AIG1: variants seen among roughly 807,000 people sequenced by gnomAD.
AIG1 encodes the protein androgen induced 1.
AIG1 carries 23 observed loss-of-function variants against 31.4 expected under a neutral mutation model. The observed-to-expected ratio is 0.73, with a 90% CI of 0.53 to 1.04. AIG1 has a LOEUF of 1.04. Ranked by LOEUF, AIG1 falls within the 50% of genes least tolerant of loss-of-function variation. AIG1 has a pLI of 0.00. For synonymous variants in AIG1, 100 were observed against 110.5 expected, an observed-to-expected ratio of 0.90 and a Z score of 0.60; for missense variants, 274 against 295.0, an observed-to-expected ratio of 0.93 and a Z score of 0.52.
chr6:143,060,781 GCCCCGCCCCCGCCCCCGC>G (rs565865334), upstream of AIG1: 2 of 107,158 alleles, frequency 1.9e-5, no homozygotes, highest in African/African-American at 3.8e-5. Flanking sequence ...GGGGGCGCGC[GCCCCGCCCCCGCCCCCGC>G]CCCCGCCCCG....
chr6:143,175,811 C>T (rs1188225099), intron 3 of AIG1, among the ~76,000 whole-genome samples: 2 of 152,128 alleles, frequency 1.3e-5, no homozygotes, highest in South Asian at 2.1e-4. Context: ...TCTGGCAATT[C>T]GGGGATTTCA....
chr6:143,302,486 G>A (rs1438627646), intron 4 of AIG1, among the ~76,000 whole-genome samples: 1 of 150,366 alleles, frequency 6.7e-6, no homozygotes, highest in African/African-American at 2.5e-5. Flanking sequence ...TTGGTTTTTT[G>A]TTCTTGCGAT....
At chr6:143,126,753 T>C (rs1782717011) in intron 1 of AIG1, among the ~76,000 whole-genome samples, 1 of 152,130 alleles carries the variant, frequency 6.6e-6, no homozygotes, top group South Asian at 2.1e-4. Flanking sequence ...TACAGGAAGG[T>C]CTCAAGCTCA....
At chr6:143,250,542 G>A (rs1191554407) in intron 3 of AIG1, among the ~76,000 whole-genome samples, 2 of 152,210 alleles carry the variant, frequency 1.3e-5, no homozygotes, top group African/African-American at 4.8e-5. Flanking sequence ...GATCTTGAGA[G>A]GAGTTTATTC....
At chr6:143,255,112 A>G (rs1384880482) in intron 3 of AIG1, among the ~76,000 whole-genome samples, 2 of 152,208 alleles carry the variant, frequency 1.3e-5, no homozygotes, top group Admixed American at 1.3e-4. Flanking sequence ...ATCATCCAGC[A>G]TGACTGCATA....
Position 143,334,001 on chromosome 6 carries a change from TA to T in AIG1, c.679+560del. 1 of 1,489,040 alleles carries T rather than the reference TA, an allele frequency of 6.7e-7. No homozygotes were observed. The highest frequency in any genetic ancestry group is 9.1e-7 in the Non-Finnish European group (1 of 1,094,146). The allele number at this position is 1,489,040 out of a possible 1,614,324, so 92.2% of individuals were successfully genotyped here. A position where few individuals can be genotyped will look rare whatever the true frequency, so the allele number is the denominator to read the frequency against. On this transcript the variant is annotated intron_variant, in intron 5 of 5. Transcript: ENST00000357847. The surrounding 1 kb of genome is among the most constrained non-coding windows in gnomAD (Gnocchi z 5.1). Reference sequence around the variant, plus strand: ...GAAAGTGGCAAAGAGCTACAAGCAGTAAAAGATAATATTTCGTGGCTGGAAA... The same window carrying T: ...GAAAGTGGCAAAGAGCTACAAGCAGTAAAGATAATATTTCGTGGCTGGAAA...
chr6:143,073,527 T>G (rs1050531285), intron 1 of AIG1, among the ~76,000 whole-genome samples: 2 of 152,226 alleles, frequency 1.3e-5, no homozygotes, highest in African/African-American at 4.8e-5. Context: ...TATCCACACC[T>G]TTGCCAACAT....
At chr6:143,308,907 A>T (rs1168098061) in intron 4 of AIG1, among the ~76,000 whole-genome samples, 2 of 152,132 alleles carry the variant, frequency 1.3e-5, no homozygotes, top group Admixed American at 6.5e-5. Flanking sequence ...TGTAACATCC[A>T]TAGGGGTGTG....
At chr6:143,308,861 C>T (rs1202901509) in intron 4 of AIG1, among the ~76,000 whole-genome samples, 1 of 152,118 alleles carries the variant, frequency 6.6e-6, no homozygotes, top group Admixed American at 6.5e-5. Flanking sequence ...TATGGCTTTC[C>T]CTTGTAGTTT....
chr6:143,101,730 A>C (rs1054407479), intron 1 of AIG1, among the ~76,000 whole-genome samples: 1 of 152,184 alleles, frequency 6.6e-6, no homozygotes, highest in South Asian at 2.1e-4. Context: ...TTATGGGTGC[A>C]CCAAAATCTC....
At chr6:143,074,927 A>G (rs1374313450) in intron 1 of AIG1, among the ~76,000 whole-genome samples, 2 of 152,234 alleles carry the variant, frequency 1.3e-5, no homozygotes, top group Non-Finnish European at 2.9e-5. Flanking sequence ...ACTTCTGTCC[A>G]GAATGTTTGG....
At chr6:143,319,649 G>T (rs74479163) in intron 4 of AIG1, among the ~76,000 whole-genome samples, 1 of 151,374 alleles carries the variant, frequency 6.6e-6, no homozygotes, top group East Asian at 1.9e-4. Flanking sequence ...TTTAAAAGAA[G>T]ATAACAACAA....
At chr6:143,141,115 A>G (rs73777888) in intron 2 of AIG1, among the ~76,000 whole-genome samples, 2,247 of 152,334 alleles carry the variant, frequency 0.015, 51 homozygotes, top group East Asian at 0.054. Flanking sequence ...CATAAAAAGA[A>G]AGTAAAGAGT....
intron 4 of AIG1, among the ~76,000 whole-genome samples, chr6:143,305,203 G>C (rs2128701945): frequency 6.6e-6 from 1 of 152,184 alleles, no homozygotes; most frequent in South Asian, 2.1e-4. Flanking sequence ...ATTTTTTGAA[G>C]GGTTTTTTGT....
At chr6:143,269,787 T>C (rs1230648201) in intron 3 of AIG1, among the ~76,000 whole-genome samples, 2 of 152,232 alleles carry the variant, frequency 1.3e-5, no homozygotes, top group Non-Finnish European at 2.9e-5. Flanking sequence ...GTATGGTGTT[T>C]GAAGTCAGAG....
chr6:143,268,478 C>T lies in AIG1; in HGVS notation c.400-15632C>T, dbSNP rs889702945. ...AACTATGCCCTGGCTAGTAAGAAAG[C>T]CAGTTATATGTCAAGGAGGCTTATT... is the stretch of plus-strand genomic sequence containing the variant. On this transcript the variant is annotated intron_variant, in intron 3 of 5. Transcript: ENST00000357847. The surrounding 1 kb of genome is among the most constrained non-coding windows in gnomAD (Gnocchi z 5.0). 1.3e-5 allele frequency among the ~76,000 whole-genome samples: 2 copies of T among 152,112 alleles called. No individual in the cohort carries two copies. The highest frequency in any genetic ancestry group is 2.9e-5 in the Non-Finnish European group (2 of 68,018).
chr6:143,189,590 A>G, intron 3 of AIG1: 2 of 985,412 alleles, frequency 2.0e-6, no homozygotes, highest in South Asian at 4.7e-5. Flanking sequence ...TCTGACAGGA[A>G]ACTCAGAAAT....
At chr6:143,177,478 G>T (rs553742362) in intron 3 of AIG1, among the ~76,000 whole-genome samples, 31 of 152,290 alleles carry the variant, frequency 2.0e-4, no homozygotes, top group African/African-American at 7.2e-4. Flanking sequence ...ATATGTATAC[G>T]TATCATAAAT....
intron 1 of AIG1, among the ~76,000 whole-genome samples, chr6:143,074,247 C>G (rs961902078): frequency 6.6e-6 from 1 of 152,160 alleles, no homozygotes; most frequent in African/African-American, 2.4e-5. Context: ...TTGATGTAGT[C>G]TCATTTATTT....
Sources: allele counts gnomAD v4.1 joint callset (sites outside exome capture counted in the v4.1 genomes callset), GRCh38; gene constraint gnomAD v4.1.1; non-coding constraint Gnocchi (gnomAD v3.1); transcripts MANE v1.5; gene names NCBI Gene and HGNC (gene_info 2026-07-23, HGNC 2026-07-21).